The following AK2 variants were observed in gnomAD, a reference collection of about 807,000 sequenced individuals.
AK2 encodes the protein adenylate kinase 2, also known as adenylate kinase 2, mitochondrial.
In AK2, 15 loss-of-function variants were observed where a neutral mutation model predicts 24.6. The observed-to-expected ratio is 0.61, with a 90% CI of 0.41 to 0.94. The LOEUF is 0.94. Ranked by LOEUF, AK2 falls within the 40% of genes least tolerant of loss-of-function variation. The pLI, the probability that AK2 is intolerant of heterozygous loss-of-function variation, is 0.00. For synonymous variants in AK2, 102 were observed against 114.0 expected, an observed-to-expected ratio of 0.90 and a Z score of 0.67; for missense variants, 257 against 304.1, an observed-to-expected ratio of 0.85 and a Z score of 1.15.
At chr1:33,035,942 A>G (rs1353526828) in intron 1 of AK2, among the ~76,000 whole-genome samples, 1 of 152,226 alleles carries the variant, frequency 6.6e-6, no homozygotes, top group Non-Finnish European at 1.5e-5. Flanking sequence ...AAAGGGAAGG[A>G]AGATACAAAC....
rs1638914735 is a variant in AK2 at position 33,012,894 on chromosome 1, T to C, written c.*287A>G. The stretch of plus-strand genomic sequence containing the variant: ...GCCAGGGTGGCAGAGCGAAACCTTG[T>C]CTCAAAACAACAACAAAAAAGAAGT... On this transcript the variant is annotated 3_prime_UTR_variant, in exon 6 of 6. Transcript: ENST00000672715. The C allele has an allele frequency of 7.3e-7, 1 of 1,362,050 alleles. No individual in the cohort carries two copies. The highest frequency in any genetic ancestry group is 2.2e-5 in the Admixed American group (1 of 45,644). 84.4% of individuals were successfully genotyped at this position (1,362,050 alleles called of 1,614,324 possible). A position where few individuals can be genotyped will look rare whatever the true frequency, so the allele number is the denominator to read the frequency against.
In AK2 at chr1:33,008,739, C is replaced by CGT. The variant is rs1175620379; in HGVS notation, c.*4440_*4441dup. On this transcript the variant is annotated 3_prime_UTR_variant, in exon 6 of 6. Transcript: ENST00000672715. ...TCCACAGGGTGCTGTGTGAGGGTTA[C>CGT]GTGAAGTCGAGGGTTACATGAAGCC... is the stretch of plus-strand genomic sequence containing the variant. 1 of 453,978 alleles carries CGT rather than the reference C, an allele frequency of 2.2e-6. No individual in the cohort carries two copies. The highest frequency in any genetic ancestry group is 4.4e-6 in the Non-Finnish European group (1 of 226,802). The allele number at this position is 453,978 out of a possible 1,614,324, so 28.1% of individuals were successfully genotyped here. A position where few individuals can be genotyped will look rare whatever the true frequency, so the allele number is the denominator to read the frequency against.
chr1:33,034,470 A>G (rs1640450353), intron 1 of AK2, among the ~76,000 whole-genome samples: 1 of 150,998 alleles, frequency 6.6e-6, no homozygotes, highest in Non-Finnish European at 1.5e-5. Context: ...ACACACACAC[A>G]CACACACACA....
chr1:33,020,118 C>T (rs1373164100), intron 4 of AK2: 12 of 1,534,904 alleles, frequency 7.8e-6, no homozygotes, highest in Non-Finnish European at 9.6e-6. Flanking sequence ...GTTGGTCTGT[C>T]AGAACAAACG....
chr1:33,019,932 C>T (rs1196827687), intron 4 of AK2: 1 of 1,405,892 alleles, frequency 7.1e-7, no homozygotes, highest in African/African-American at 1.5e-5. Context: ...GGTTGGCTGA[C>T]CACTTTCCTG....
chr1:33,029,322 G>C (rs1175641936), intron 1 of AK2: 1 of 151,502 alleles, frequency 6.6e-6, no homozygotes, highest in African/African-American at 2.4e-5. Flanking sequence ...ATTTTGGCCT[G>C]CTCTTTTTCT....
At position 33,012,349 on chromosome 1, in the gene AK2, G is replaced by A; in HGVS notation, c.*832C>T. ...GTGCCTTTTTCCTTCCACCTAGGGGGAAAAAATTAATGATCCCTGTTCACA... is the reference window on the plus strand; with the variant it reads ...GTGCCTTTTTCCTTCCACCTAGGGGAAAAAAATTAATGATCCCTGTTCACA... On this transcript the variant is annotated 3_prime_UTR_variant, in exon 6 of 6. Coordinates refer to ENST00000672715, the MANE Select transcript of AK2 (RefSeq NM_001625.4). The A allele has an allele frequency of 6.5e-7, 1 of 1,528,878 alleles. No homozygotes were observed. The highest frequency in any genetic ancestry group is 8.7e-7 in the Non-Finnish European group (1 of 1,144,340). 94.7% of individuals were successfully genotyped at this position (1,528,878 alleles called of 1,614,324 possible). A position where few individuals can be genotyped will look rare whatever the true frequency, so the allele number is the denominator to read the frequency against.
chr1:33,031,757 C>T lies in AK2; in HGVS notation c.93+4979G>A, dbSNP rs150088025. ...CATCTGACCCATAAGACTGCCTAAG[C>T]GTGCCTGGCCTCGAAGAATTGGGCA... On this transcript the variant is annotated intron_variant, in intron 1 of 5. Transcript: ENST00000672715. 6.4e-3 allele frequency: 2,848 copies of T among 444,994 alleles called. 14 individuals carry two copies. Among genetic ancestry groups the T allele is most frequent in the Non-Finnish European group, 9.3e-3 (2,047 of 219,412 alleles). The allele number at this position is 444,994 out of a possible 1,614,324, so 27.6% of individuals were successfully genotyped here. A position where few individuals can be genotyped will look rare whatever the true frequency, so the allele number is the denominator to read the frequency against.
rs909193392 is a variant in AK2, at chr1:33,010,591, A to G, written c.*2590T>C. 5.8e-6 allele frequency: 6 copies of G among 1,041,220 alleles called. No homozygotes were observed. In the African/African-American group the frequency reaches 7.9e-5, roughly 14 times the overall value. The allele number at this position is 1,041,220 out of a possible 1,614,324, so 64.5% of individuals were successfully genotyped here. On this transcript the variant is annotated 3_prime_UTR_variant, in exon 6 of 6. Coordinates refer to ENST00000672715, the MANE Select transcript of AK2 (RefSeq NM_001625.4). ...CTATTTCTACCCCCACCCTCCAAGC[A>G]TGGTGTTTTTTAAAAAATTAATTTT...
chr1:33,013,407 G>A lies in AK2; in HGVS notation c.499-5C>T, dbSNP rs1421627521. On this transcript the variant is annotated splice_region_variant and splice_polypyrimidine_tract_variant and intron_variant, in intron 5 of 5. Transcript: ENST00000672715. ...GATCAAGGGTTCCCCGGTGATCTGA[G>A]AACAGGAAGACAGCAATGAAAGGCT... 11 of 1,596,856 alleles carry A rather than the reference G, an allele frequency of 6.9e-6. No individual in the cohort carries two copies. Among genetic ancestry groups the A allele is most frequent in the African/African-American group, 1.3e-5 (1 of 74,464 alleles).
intron 4 of AK2, among the ~76,000 whole-genome samples, chr1:33,017,777 T>A (rs945795230): frequency 6.6e-6 from 1 of 152,088 alleles, no homozygotes; most frequent in African/African-American, 2.4e-5. Flanking sequence ...TTTTTTGAGA[T>A]AGGGTTTTGC....
chr1:33,014,630 T>C, intron 4 of AK2, 36 bp from the exon 5 acceptor site: 1 of 1,575,072 alleles, frequency 6.3e-7, no homozygotes, highest in Non-Finnish European at 8.7e-7. Flanking sequence ...TTAGGTTAAC[T>C]GACAGTACGC....
chr1:33,008,164 C>G lies in AK2; in HGVS notation c.*5017G>C, dbSNP rs1251388959. ...TCCCTCTGAATTCCATCTGTGTTTA[C>G]TAAGCATCTGCTGTGTCCTGGGCAG... On this transcript the variant is annotated 3_prime_UTR_variant, in exon 6 of 6. Transcript: ENST00000672715. 1 of 454,200 alleles carries G rather than the reference C, an allele frequency of 2.2e-6. No homozygotes were observed. The highest frequency in any genetic ancestry group is 2.3e-5 in the Admixed American group (1 of 42,572). The allele number at this position is 454,200 out of a possible 1,614,324, so 28.1% of individuals were successfully genotyped here. A position where few individuals can be genotyped will look rare whatever the true frequency, so the allele number is the denominator to read the frequency against.
intron 5 of AK2, among the ~76,000 whole-genome samples, chr1:33,013,981 T>C (rs576078617): frequency 3.9e-5 from 6 of 152,310 alleles, no homozygotes; most frequent in Admixed American, 2.0e-4. Context: ...ACTTGTTTCA[T>C]AGGACAAAGG....
Position 33,026,191 on chromosome 1 carries a change from T to TTTTC in AK2, c.94-1628_94-1625dup, listed in dbSNP as rs772297564. Reference sequence around the variant, plus strand: ...ACAAATCAGTTCACTGGGAGTTTTCTTTTCTTTCTTTCTTTCTTTTTTTTT... The same window carrying TTTTC: ...ACAAATCAGTTCACTGGGAGTTTTCTTTTCTTTCTTTCTTTCTTTCTTTTTTTTT... On this transcript the variant is annotated intron_variant, in intron 1 of 5. Coordinates refer to ENST00000672715, the MANE Select transcript of AK2 (RefSeq NM_001625.4). 3.3e-5 allele frequency among the ~76,000 whole-genome samples: 5 copies of TTTTC among 152,326 alleles called. 1 individual carries two copies. Among genetic ancestry groups the TTTTC allele is most frequent in the Admixed American group, 2.6e-4 (4 of 15,294 alleles).
rs916098650 is a variant in AK2, at chr1:33,008,501, T to A, written c.*4680A>T. On this transcript the variant is annotated 3_prime_UTR_variant, in exon 6 of 6. Coordinates refer to ENST00000672715, the MANE Select transcript of AK2 (RefSeq NM_001625.4). ...CAAAATCAGTTCCGGCAGCGCTGAG[T>A]GTCCATGGAAAAGAGCTCTTATTCA... The A allele has an allele frequency of 8.8e-6, 4 of 453,908 alleles. No individual in the cohort carries two copies. Among genetic ancestry groups the A allele is most frequent in the Middle Eastern group, 6.8e-4 (1 of 1,466 alleles). 28.1% of individuals were successfully genotyped at this position (453,908 alleles called of 1,614,324 possible). A position where few individuals can be genotyped will look rare whatever the true frequency, so the allele number is the denominator to read the frequency against.
rs139238739 is a variant in AK2 at position 33,013,263 on chromosome 1, G to T, written c.638C>A (p.Ser213Tyr). 68 of 1,613,732 alleles carry T rather than the reference G, an allele frequency of 4.2e-5. No homozygotes were observed. The highest frequency in any genetic ancestry group is 5.6e-5 in the Non-Finnish European group (66 of 1,179,708). Residue 213 changes from serine (S) to tyrosine (Y), a missense_variant, in exon 6 of 6, where the codon TCC becomes TAC. Coordinates refer to ENST00000672715, the MANE Select transcript of AK2 (RefSeq NM_001625.4). ...TGCGAACACGACATCGGGGGTCTGGGATGCATCGATGGCGGAGTGGATCCC... is the reference window on the plus strand; with the variant it reads ...TGCGAACACGACATCGGGGGTCTGGTATGCATCGATGGCGGAGTGGATCCC... The part of the protein sequence containing the change: ...KRGIHSAIDA[S>Y]QTPDVVFASI...
chr1:33,008,769 C>T lies in AK2; in HGVS notation c.*4412G>A, dbSNP rs537845173. On this transcript the variant is annotated 3_prime_UTR_variant, in exon 6 of 6. Coordinates refer to ENST00000672715, the MANE Select transcript of AK2 (RefSeq NM_001625.4). Reference sequence around the variant, plus strand: ...AGTCGAGGGTTACATGAAGCCTTTGCATAATACCTGGCACAACGTCAGTCT... The same window carrying T: ...AGTCGAGGGTTACATGAAGCCTTTGTATAATACCTGGCACAACGTCAGTCT... The T allele has an allele frequency of 6.6e-6, 3 of 454,058 alleles. 1 individual carries two copies. Among genetic ancestry groups the T allele is most frequent in the Non-Finnish European group, 1.3e-5 (3 of 226,784 alleles). The allele number at this position is 454,058 out of a possible 1,614,324, so 28.1% of individuals were successfully genotyped here. A position where few individuals can be genotyped will look rare whatever the true frequency, so the allele number is the denominator to read the frequency against.
chr1:33,035,189 G>A lies in AK2; in HGVS notation c.93+1547C>T, dbSNP rs937452154. 2.0e-5 allele frequency among the ~76,000 whole-genome samples: 3 copies of A among 152,158 alleles called. No individual in the cohort carries two copies. In the East Asian group the frequency reaches 5.8e-4, roughly 29 times the overall value. On this transcript the variant is annotated intron_variant, in intron 1 of 5. Coordinates refer to ENST00000672715, the MANE Select transcript of AK2 (RefSeq NM_001625.4). ...GGAAAGAGATGTCAACAACGCTGAG[G>A]ATAAAGGATAAAGGGATCAGGTACA...
Sources: allele counts gnomAD v4.1 joint callset (sites outside exome capture counted in the v4.1 genomes callset), GRCh38; gene constraint gnomAD v4.1.1; transcripts MANE v1.5; gene names NCBI Gene and HGNC (gene_info 2026-07-23, HGNC 2026-07-21).